The following CNTN5 variants were observed in gnomAD, a reference collection of about 807,000 sequenced individuals.
CNTN5 encodes the protein contactin-5.
CNTN5 carries 77 observed loss-of-function variants against 129.1 expected under a neutral mutation model. The observed-to-expected ratio is 0.60, with a 90% CI of 0.50 to 0.72. The LOEUF (loss-of-function observed/expected upper bound fraction) is 0.72, where lower values mean the gene tolerates loss of function less well. Among genes scored for constraint, CNTN5 ranks in the 30% least tolerant of loss-of-function variants. CNTN5 has a pLI of 0.00. For missense variants in CNTN5, 1,478 were observed against 1,328.8 expected (o/e 1.11, Z -1.75); for synonymous variants, 509 against 465.6 (o/e 1.09, Z -1.20).
intron 3 of CNTN5, among the ~76,000 whole-genome samples, chr11:99,685,199 T>A (rs1953736384): frequency 6.6e-6 from 1 of 151,632 alleles, no homozygotes; most frequent in African/African-American, 2.4e-5. Context: ...AAGTGATTAC[T>A]TTCTATGTTT....
chr11:99,464,628 G>A (rs1167813979), intron 2 of CNTN5, among the ~76,000 whole-genome samples: 1 of 152,002 alleles, frequency 6.6e-6, no homozygotes, highest in Non-Finnish European at 1.5e-5. Context: ...AGAGTATTTT[G>A]GAATCTTGAC....
At chr11:99,196,849 G>A (rs907352823) in intron 1 of CNTN5, among the ~76,000 whole-genome samples, 1 of 151,850 alleles carries the variant, frequency 6.6e-6, no homozygotes, top group East Asian at 1.9e-4. Flanking sequence ...TAAAAGATTA[G>A]GAGGAGTATG....
chr11:99,318,375 A>G (rs1325085061), intron 1 of CNTN5, among the ~76,000 whole-genome samples: 1 of 152,194 alleles, frequency 6.6e-6, no homozygotes, highest in East Asian at 1.9e-4. Context: ...GGTTCTTTCT[A>G]GAACAACATC....
chr11:99,325,540 AT>A lies in CNTN5; in HGVS notation c.-71+57del, dbSNP rs1865746672. On this transcript the variant is annotated intron_variant, in intron 2 of 24. Transcript: ENST00000524871. ...AAATTGAAAGACATGTTGAAAAAAA[AT>A]ATAAGATTCATGCATATCCTTAATG... 2.6e-5 allele frequency: 4 copies of A among 152,306 alleles called. No homozygotes were observed. In the South Asian group the frequency reaches 8.3e-4, roughly 32 times the overall value. The allele number at this position is 152,306 out of a possible 1,614,324, so 9.4% of individuals were successfully genotyped here. A position where few individuals can be genotyped will look rare whatever the true frequency, so the allele number is the denominator to read the frequency against.
intron 2 of CNTN5, among the ~76,000 whole-genome samples, chr11:99,491,930 A>T (rs1221106375): frequency 6.6e-6 from 1 of 152,184 alleles, no homozygotes; most frequent in Admixed American, 6.5e-5. Context: ...AAGAGGTTTT[A>T]AGCTGTTAAA....
At chr11:99,189,751 G>A (rs1241103085) in intron 1 of CNTN5, among the ~76,000 whole-genome samples, 2 of 151,304 alleles carry the variant, frequency 1.3e-5, no homozygotes, top group Admixed American at 6.6e-5. Flanking sequence ...TTTTAATTAG[G>A]CTATTCATTT....
intron 23 of CNTN5, among the ~76,000 whole-genome samples, chr11:100,350,358 G>C (rs547152461): frequency 6.6e-6 from 1 of 151,650 alleles, no homozygotes; most frequent in African/African-American, 2.4e-5. Flanking sequence ...TCATGCCATT[G>C]TTTCTTATTG....
chr11:99,131,813 C>T (rs4462301), intron 1 of CNTN5, among the ~76,000 whole-genome samples: 137,777 of 152,208 alleles, frequency 0.91, 62,553 homozygotes, highest in East Asian at 0.99. Context: ...CTGAATTTTA[C>T]GAGAGGTACA....
At chr11:100,307,333 C>G (rs892052330) in intron 20 of CNTN5, among the ~76,000 whole-genome samples, 1 of 151,630 alleles carries the variant, frequency 6.6e-6, no homozygotes, top group Non-Finnish European at 1.5e-5. Context: ...TTTTAATAGA[C>G]TTTGTACAGA....
At chr11:99,348,263 C>G (rs1283996803) in intron 2 of CNTN5, among the ~76,000 whole-genome samples, 4 of 152,108 alleles carry the variant, frequency 2.6e-5, no homozygotes, top group Non-Finnish European at 5.9e-5. Context: ...GGCGTGAACC[C>G]AGGAGGCGGA....
intron 2 of CNTN5, among the ~76,000 whole-genome samples, chr11:99,538,403 C>G (rs1947978777): frequency 6.6e-6 from 1 of 152,056 alleles, no homozygotes; most frequent in East Asian, 1.9e-4. Flanking sequence ...AGCATTATAT[C>G]TTTCTGAACT....
At chr11:100,118,243 T>TG (rs1461925835) in intron 13 of CNTN5, among the ~76,000 whole-genome samples, 1 of 151,880 alleles carries the variant, frequency 6.6e-6, no homozygotes, top group Non-Finnish European at 1.5e-5. Context: ...TGTACACTGT[T>TG]GGGGTAGTGT....
At chr11:99,944,410 C>T (rs1316441574) in intron 7 of CNTN5, among the ~76,000 whole-genome samples, 5 of 151,866 alleles carry the variant, frequency 3.3e-5, no homozygotes, top group Admixed American at 6.6e-5. Flanking sequence ...AATATCATAC[C>T]GAATGGGCAA....
intron 8 of CNTN5, among the ~76,000 whole-genome samples, chr11:99,961,206 G>GAAAAAAAAAA (rs769692454): frequency 6.3e-5 from 6 of 95,702 alleles, no homozygotes; most frequent in South Asian, 4.2e-4. Flanking sequence ...CTCCGTCTCA[G>GAAAAAAAAAA]AAAAAAAAAA....
rs1218233268 is a variant in CNTN5 at position 99,342,584 on chromosome 11, A to C, written c.-71+17100A>C. Among the ~76,000 whole-genome samples, 178 of 143,654 alleles carry C rather than the reference A, an allele frequency of 1.2e-3. 2 individuals carry two copies. Among genetic ancestry groups the C allele is most frequent in the Admixed American group, 2.3e-3 (33 of 14,060 alleles). The allele number at this position is 143,654 out of a possible 152,430, so 94.2% of individuals were successfully genotyped here. A position where few individuals can be genotyped will look rare whatever the true frequency, so the allele number is the denominator to read the frequency against. The stretch of plus-strand genomic sequence containing the variant: ...ACCCCGTTATCTCAAAAAAAAAAAA[A>C]AAAAAAAAAAAAAAAAAAGCAGGGC... On this transcript the variant is annotated intron_variant, in intron 2 of 24. Coordinates refer to ENST00000524871, the MANE Select transcript of CNTN5 (RefSeq NM_014361.4).
chr11:99,669,591 A>G (rs1219462700), intron 3 of CNTN5, among the ~76,000 whole-genome samples: 1 of 152,052 alleles, frequency 6.6e-6, no homozygotes, highest in Admixed American at 6.6e-5. Flanking sequence ...TTAGGATTAC[A>G]CTATTTCCCT....
At chr11:99,561,217 G>A (rs1948830969) in intron 3 of CNTN5, among the ~76,000 whole-genome samples, 1 of 151,884 alleles carries the variant, frequency 6.6e-6, no homozygotes, top group Admixed American at 6.6e-5. Flanking sequence ...GAATATGAGA[G>A]TCTGGTGTGT....
At chr11:99,671,856 TAAAG>T (rs1385124569) in intron 3 of CNTN5, among the ~76,000 whole-genome samples, 2 of 152,172 alleles carry the variant, frequency 1.3e-5, no homozygotes, top group African/African-American at 4.8e-5. Flanking sequence ...CTCTCCAAGT[TAAAG>T]AAATACTATA....
chr11:99,575,900 T>C (rs1949332728), intron 3 of CNTN5, among the ~76,000 whole-genome samples: 2 of 152,138 alleles, frequency 1.3e-5, no homozygotes, highest in African/African-American at 2.4e-5. Context: ...CTAAGCAGCA[T>C]GGCAGATTAG....
Sources: allele counts gnomAD v4.1 joint callset (sites outside exome capture counted in the v4.1 genomes callset), GRCh38; gene constraint gnomAD v4.1.1; transcripts MANE v1.5; gene names NCBI Gene and HGNC (gene_info 2026-07-23, HGNC 2026-07-21).